Variants in NPAS3 observed in about 807,000 individuals in gnomAD.
NPAS3 encodes neuronal PAS domain protein 3.
A neutral mutation model predicts 73.1 loss-of-function variants in NPAS3; 14 were observed. The ratio of observed to expected loss-of-function variants is 0.19; its 90% CI spans 0.13 to 0.30. NPAS3 has a LOEUF of 0.30. Ranked by LOEUF, NPAS3 falls within the 10% of genes least tolerant of loss-of-function variation. The pLI is 1.00. For missense variants in NPAS3, 1,096 were observed against 1,250.0 expected, an observed-to-expected ratio of 0.88 and a Z score of 1.86; for synonymous variants, 620 against 541.5, an observed-to-expected ratio of 1.14 and a Z score of -2.01.
chr14:33,146,085 A>G (rs928825787), intron 2 of NPAS3, among the ~76,000 whole-genome samples: 4 of 152,190 alleles, frequency 2.6e-5, no homozygotes, highest in African/African-American at 9.7e-5. Flanking sequence ...ATATATAAAT[A>G]TAGATTATGC....
chr14:33,352,060 C>A (rs746750336), intron 3 of NPAS3, among the ~76,000 whole-genome samples: 2 of 151,932 alleles, frequency 1.3e-5, no homozygotes, highest in Admixed American at 6.6e-5. Flanking sequence ...AAAACATCTG[C>A]GGTTTAAAAA....
chr14:32,941,034 C>T (rs1373859244), intron 1 of NPAS3, among the ~76,000 whole-genome samples: 11 of 152,278 alleles, frequency 7.2e-5, no homozygotes, highest in Non-Finnish European at 1.6e-4. Context: ...GTATTTACTT[C>T]TTAAGAAGTA....
chr14:33,323,600 A>G (rs1348389293), intron 3 of NPAS3, among the ~76,000 whole-genome samples: 2 of 152,232 alleles, frequency 1.3e-5, no homozygotes, highest in Non-Finnish European at 2.9e-5. Flanking sequence ...GTAAATGAGG[A>G]CACTTAGAAT....
intron 5 of NPAS3, among the ~76,000 whole-genome samples, chr14:33,574,000 G>A (rs927812601): frequency 6.6e-6 from 1 of 152,164 alleles, no homozygotes. Context: ...TTAAAACTTA[G>A]TTTGGATTTA....
chr14:33,069,514 G>A (rs1300736315), intron 2 of NPAS3, among the ~76,000 whole-genome samples: 3 of 152,202 alleles, frequency 2.0e-5, no homozygotes, highest in African/African-American at 7.2e-5. Flanking sequence ...AGGCTATGAT[G>A]GAGACGGATG....
intron 4 of NPAS3, among the ~76,000 whole-genome samples, chr14:33,494,514 T>A (rs2052068676): frequency 6.6e-6 from 1 of 152,068 alleles, no homozygotes; most frequent in Admixed American, 6.6e-5. Flanking sequence ...GCTTCCCAAT[T>A]TGGGGACCAG....
At chr14:33,668,239 A>G (rs1327057311) in intron 5 of NPAS3, among the ~76,000 whole-genome samples, 1 of 152,182 alleles carries the variant, frequency 6.6e-6, no homozygotes, top group Non-Finnish European at 1.5e-5. Context: ...ATTGTGACTC[A>G]ACTCCTGGTG....
chr14:33,416,928 G>A (rs757034368), intron 4 of NPAS3, among the ~76,000 whole-genome samples: 43 of 151,938 alleles, frequency 2.8e-4, no homozygotes, highest in Middle Eastern at 3.4e-3. Context: ...GGATTTCTGG[G>A]GAGAAAAAAA....
At chr14:33,100,957 G>A (rs2042559907) in intron 2 of NPAS3, among the ~76,000 whole-genome samples, 1 of 152,036 alleles carries the variant, frequency 6.6e-6, no homozygotes. Context: ...AAATGACCTT[G>A]AATTATCAAT....
intron 4 of NPAS3, among the ~76,000 whole-genome samples, chr14:33,516,557 C>T (rs545669943): frequency 6.6e-6 from 1 of 152,156 alleles, no homozygotes; most frequent in African/African-American, 2.4e-5. Flanking sequence ...CCCAGCTTGA[C>T]CATCTAATAG....
intron 4 of NPAS3, among the ~76,000 whole-genome samples, chr14:33,391,318 C>G (rs533867363): frequency 6.6e-6 from 1 of 151,930 alleles, no homozygotes; most frequent in East Asian, 1.9e-4. Context: ...CTCAGCCTCC[C>G]AAATAGCTGG....
chr14:33,095,701 C>A (rs184014258), intron 2 of NPAS3, among the ~76,000 whole-genome samples: 2 of 125,464 alleles, frequency 1.6e-5, no homozygotes, highest in African/African-American at 6.3e-5. Flanking sequence ...GGGAGTCTCG[C>A]TCTGTCGCCC....
intron 11 of NPAS3, among the ~76,000 whole-genome samples, chr14:33,799,394 T>C (rs2063612132): frequency 6.6e-6 from 1 of 152,182 alleles, no homozygotes; most frequent in Non-Finnish European, 1.5e-5. Flanking sequence ...AACTTGAATG[T>C]GCCTGAGAAT....
chr14:33,528,021 C>T (rs1270606016), intron 4 of NPAS3, among the ~76,000 whole-genome samples: 1 of 152,016 alleles, frequency 6.6e-6, no homozygotes, highest in East Asian at 1.9e-4. Flanking sequence ...ATCAGTAAAC[C>T]ATATATTAAT....
At chr14:33,324,058 G>A (rs1204375386) in intron 3 of NPAS3, among the ~76,000 whole-genome samples, 3 of 152,306 alleles carry the variant, frequency 2.0e-5, no homozygotes, top group Admixed American at 6.5e-5. Flanking sequence ...CTTTTACAAC[G>A]TAGCATTAAG....
chr14:32,934,803 C>G (rs1273614069), upstream of NPAS3: 4 of 254,104 alleles, frequency 1.6e-5, no homozygotes, highest in East Asian at 7.1e-4. This position sits in a 1 kb window ranked among gnomAD's most constrained non-coding sequence, Gnocchi z 4.1. Context: ...CCCCCGCCAG[C>G]CAGAGCCCAG....
chr14:33,533,275 C>A lies in NPAS3; in HGVS notation c.469-26846C>A, dbSNP rs116367327. Among the ~76,000 whole-genome samples, 789 of 152,026 alleles carry A rather than the reference C, an allele frequency of 5.2e-3. 8 individuals are homozygous for A. The highest frequency in any genetic ancestry group is 0.018 in the African/African-American group (741 of 41,482). The stretch of plus-strand genomic sequence containing the variant: ...TCGTATAAGGCAAAGGATAAATAAC[C>A]AAACTATATAAAGAGATCCAAAAAT... On this transcript the variant is annotated intron_variant, in intron 4 of 11. Coordinates refer to ENST00000356141, the Ensembl canonical transcript of NPAS3.
intron 3 of NPAS3, among the ~76,000 whole-genome samples, chr14:33,324,624 T>C (rs1057033460): frequency 2.0e-5 from 3 of 152,208 alleles, no homozygotes. Context: ...TAAGATTTCA[T>C]AGCGATAGAA....
chr14:33,196,526 T>C (rs182999847), intron 2 of NPAS3, among the ~76,000 whole-genome samples: 1 of 152,360 alleles, frequency 6.6e-6, no homozygotes, highest in Non-Finnish European at 1.5e-5. Flanking sequence ...GTTAGATTGA[T>C]GCCTTGAAAA....
Sources: gnomAD v4.1 joint callset for allele counts (sites outside exome capture counted in the v4.1 genomes callset) on GRCh38, gnomAD v4.1.1 for gene constraint, Gnocchi (gnomAD v3.1) non-coding constraint, MANE v1.5 for transcripts, NCBI Gene and HGNC (gene_info 2026-07-23, HGNC 2026-07-21) for gene names.